SNRPE: variants seen among roughly 807,000 people sequenced by gnomAD.
The protein encoded by SNRPE is small nuclear ribonucleoprotein E.
For synonymous variants in SNRPE, 35 were observed against 36.7 expected, an observed-to-expected ratio of 0.95 and a Z score of 0.17; for missense variants, 53 against 111.6, an observed-to-expected ratio of 0.48 and a Z score of 2.36.
intron 3 of SNRPE, among the ~76,000 whole-genome samples, chr1:203,864,370 G>T (rs2103507001): frequency 6.6e-6 from 1 of 152,234 alleles, no homozygotes; most frequent in Admixed American, 6.5e-5. Context: ...TGTGGGTTAG[G>T]TGATACCTGA....
In SNRPE at chr1:203,869,289, C is replaced by CTTTTTT. The variant is rs564988259; in HGVS notation, c.224-559_224-554dup. On this transcript the variant is annotated intron_variant, in intron 4 of 4. Coordinates refer to ENST00000414487, the MANE Select transcript of SNRPE (RefSeq NM_003094.4). ...AGGTTTGTTTATTGTAGGATGGAGT[C>CTTTTTT]TTTTTTTTTTTTTTTTTTTTTTTTT... Among the ~76,000 whole-genome samples, 523 of 66,768 alleles carry CTTTTTT rather than the reference C, an allele frequency of 7.8e-3. 30 individuals carry two copies. Among genetic ancestry groups the CTTTTTT allele is most frequent in the Non-Finnish European group, 9.1e-3 (345 of 37,876 alleles). The allele number at this position is 66,768 out of a possible 152,430, so 43.8% of individuals were successfully genotyped here.
intron 4 of SNRPE, among the ~76,000 whole-genome samples, chr1:203,867,309 AC>A (rs1690113289): frequency 1.3e-5 from 2 of 150,366 alleles, no homozygotes; most frequent in Non-Finnish European, 3.0e-5. Context: ...GTGGTCCCCA[AC>A]CATTTTGGCA....
At chr1:203,867,094 C>A (rs1690102752) in intron 4 of SNRPE, among the ~76,000 whole-genome samples, 1 of 131,040 alleles carries the variant, frequency 7.6e-6, no homozygotes, top group Non-Finnish European at 1.6e-5. Context: ...CATGGTGAAA[C>A]CCTGTCTTTC....
In SNRPE at chr1:203,861,647, G is replaced by C. The variant is rs374418268; in HGVS notation, c.-13G>C. ...GAGGCAGCGTGCGGGTGTGCTCTTT[G>C]TGAAATTCCACCATGGCGTACCGTG... On this transcript the variant is annotated 5_prime_UTR_variant, in exon 1 of 5. Transcript: ENST00000414487. 6.2e-7 allele frequency: 1 copy of C among 1,611,002 alleles called. No homozygotes were observed. The highest frequency in any genetic ancestry group is 1.3e-5 in the African/African-American group (1 of 74,864).
intron 4 of SNRPE, among the ~76,000 whole-genome samples, chr1:203,866,077 G>C (rs1180981602): frequency 6.6e-6 from 1 of 152,068 alleles, no homozygotes; most frequent in Non-Finnish European, 1.5e-5. Flanking sequence ...CCTCCTCCCC[G>C]GGTGGGAGGG....
At chr1:203,862,030 C>T (rs573112737) in intron 1 of SNRPE, 166 bp from the exon 2 acceptor site, 1 of 643,948 alleles carries the variant, frequency 1.6e-6, no homozygotes. Context: ...GTTCTTTAGT[C>T]TTTAGAAGAC....
chr1:203,868,929 A>G (rs776847478), intron 4 of SNRPE, among the ~76,000 whole-genome samples: 6 of 152,196 alleles, frequency 3.9e-5, no homozygotes, highest in Non-Finnish European at 7.3e-5. Context: ...TTGGCCTCCC[A>G]AAGTGCTGGG....
At position 203,870,099 on chromosome 1, in the gene SNRPE, T is replaced by TA; in HGVS notation, c.*168dup. The stretch of plus-strand genomic sequence containing the variant: ...GTATTAAAAAATTTACATTGCTTCT[T>TA]ACTATTCAGCAGTAGAAACTTTTTA... On this transcript the variant is annotated 3_prime_UTR_variant, in exon 5 of 5. Coordinates refer to ENST00000414487, the MANE Select transcript of SNRPE (RefSeq NM_003094.4). 1 of 519,790 alleles carries TA rather than the reference T, an allele frequency of 1.9e-6. No homozygotes were observed. The highest frequency in any genetic ancestry group is 3.4e-6 in the Non-Finnish European group (1 of 296,814). The allele number at this position is 519,790 out of a possible 1,614,324, so 32.2% of individuals were successfully genotyped here. A position where few individuals can be genotyped will look rare whatever the true frequency, so the allele number is the denominator to read the frequency against.
At chr1:203,868,656 G>T (rs575042776) in intron 4 of SNRPE, among the ~76,000 whole-genome samples, 1 of 151,910 alleles carries the variant, frequency 6.6e-6, no homozygotes. Context: ...GGGTTTTTTA[G>T]ATTTATTGTT....
chr1:203,867,004 C>T (rs1405667145), intron 4 of SNRPE, among the ~76,000 whole-genome samples: 1 of 151,256 alleles, frequency 6.6e-6, no homozygotes, highest in Admixed American at 6.6e-5. Context: ...GGTGCAGTGG[C>T]TCACACCTGT....
intron 4 of SNRPE, among the ~76,000 whole-genome samples, chr1:203,869,188 C>T (rs1376117368): frequency 6.6e-6 from 1 of 151,350 alleles, no homozygotes. Context: ...CAGTGAACAC[C>T]AGTGTTCCTG....
intron 4 of SNRPE, among the ~76,000 whole-genome samples, chr1:203,866,252 A>G (rs1473250869): frequency 6.6e-6 from 1 of 152,228 alleles, no homozygotes; most frequent in Non-Finnish European, 1.5e-5. Flanking sequence ...TTGAAGACCA[A>G]GTAAATATTT....
At chr1:203,867,236 C>G (rs1294207145) in intron 4 of SNRPE, among the ~76,000 whole-genome samples, 6 of 150,274 alleles carry the variant, frequency 4.0e-5, no homozygotes, top group African/African-American at 1.2e-4. Context: ...GCTGAGATCA[C>G]GCCACTGCGC....
At chr1:203,868,256 G>C (rs1025858579) in intron 4 of SNRPE, among the ~76,000 whole-genome samples, 2 of 151,998 alleles carry the variant, frequency 1.3e-5, no homozygotes, top group Non-Finnish European at 2.9e-5. Context: ...GGGTTTCACT[G>C]TGTTGCCCAG....
chr1:203,868,889 C>T lies in SNRPE; in HGVS notation c.224-988C>T, dbSNP rs572297672. The stretch of plus-strand genomic sequence containing the variant: ...GTCACCGTGTTGTCCAGGCTGGTCT[C>T]GAATCCTAAGCTCAGGCATTCCACC... On this transcript the variant is annotated intron_variant, in intron 4 of 4. Coordinates refer to ENST00000414487, the MANE Select transcript of SNRPE (RefSeq NM_003094.4). Among the ~76,000 whole-genome samples, 7 of 152,204 alleles carry T rather than the reference C, an allele frequency of 4.6e-5. No homozygotes were observed. The South Asian group carries it at 6.2e-4, about 14-fold the overall frequency.
chr1:203,868,625 A>C (rs1690144162), intron 4 of SNRPE, among the ~76,000 whole-genome samples: 1 of 152,118 alleles, frequency 6.6e-6, no homozygotes, highest in African/African-American at 2.4e-5. Context: ...CTTCCTGCTT[A>C]GACTATTTTT....
At chr1:203,863,582 G>T in intron 2 of SNRPE, 81 bp from the exon 3 acceptor site, 1 of 927,330 alleles carries the variant, frequency 1.1e-6, no homozygotes, top group Non-Finnish European at 1.8e-6. Flanking sequence ...GCCTCCGAAA[G>T]TGCTGGGATT....
intron 1 of SNRPE, 176 bp downstream of exon 1, chr1:203,861,889 CT>C: frequency 1.5e-6 from 1 of 650,942 alleles, no homozygotes; most frequent in Non-Finnish European, 2.8e-6. Flanking sequence ...GGGAGGTGGT[CT>C]TGGGGGGACC....
Position 203,867,123 on chromosome 1 carries a change from A to AAAAAAAAAAAAAAAC in SNRPE, c.223+2011_223+2012insAAAAAAACAAAAAAA, listed in dbSNP as rs1553274873. On this transcript the variant is annotated intron_variant, in intron 4 of 4. Coordinates refer to ENST00000414487, the MANE Select transcript of SNRPE (RefSeq NM_003094.4). ...GTCTTTCCTGAAAAAAAAAAAAAAA[A>AAAAAAAAAAAAAAAC]AAAAAAATTAGCTGGGCATGGTGGC... 4.7e-4 allele frequency among the ~76,000 whole-genome samples: 67 copies of AAAAAAAAAAAAAAAC among 141,316 alleles called. 1 individual carries two copies. The East Asian group carries it at 0.012, about 25-fold the overall frequency. The allele number at this position is 141,316 out of a possible 152,430, so 92.7% of individuals were successfully genotyped here. A position where few individuals can be genotyped will look rare whatever the true frequency, so the allele number is the denominator to read the frequency against.
Sources: gnomAD v4.1 joint callset for allele counts (sites outside exome capture counted in the v4.1 genomes callset) on GRCh38, gnomAD v4.1.1 for gene constraint, MANE v1.5 for transcripts, NCBI Gene and HGNC (gene_info 2026-07-23, HGNC 2026-07-21) for gene names.